Variants in NDUFA2 observed in about 807,000 individuals in gnomAD.
The protein encoded by NDUFA2 is NADH:ubiquinone oxidoreductase subunit A2.
NDUFA2 carries 9 observed loss-of-function variants against 11.4 expected under a neutral mutation model. The observed-to-expected ratio is 0.79, with a 90% CI of 0.48 to 1.38. NDUFA2 has a LOEUF of 1.38. NDUFA2 is among the 40% of genes most tolerant of loss of function. The pLI is 0.00. For synonymous variants in NDUFA2, 49 were observed against 54.0 expected (o/e 0.91, Z 0.41); for missense variants, 150 against 131.2 (o/e 1.14, Z -0.70).
At position 140,645,560 on chromosome 5, in the gene NDUFA2, T is replaced by G. The variant is rs370747642; in HGVS notation, c.*27A>C. 3.1e-6 allele frequency: 5 copies of G among 1,613,728 alleles called. No individual in the cohort carries two copies. The African/African-American group carries it at 5.3e-5, about 17-fold the overall frequency. Reference sequence around the variant, plus strand: ...TCCAGCAGAGCCCAGGCTCTGGGGCTGTTGCTCTTAATCCTCAGTGGAGGC... The same window carrying G: ...TCCAGCAGAGCCCAGGCTCTGGGGCGGTTGCTCTTAATCCTCAGTGGAGGC... On this transcript the variant is annotated 3_prime_UTR_variant, in exon 3 of 3. Transcript: ENST00000252102.
chr5:140,646,976 C>G, intron 2 of NDUFA2: 1 of 363,334 alleles, frequency 2.8e-6, no homozygotes, highest in Non-Finnish European at 5.0e-6. Flanking sequence ...ACTATATTGA[C>G]TAACTTCTCT....
At position 140,647,309 on chromosome 5, in the gene NDUFA2, G is replaced by C; in HGVS notation, c.155C>G (p.Pro52Arg). The C allele has an allele frequency of 6.3e-7, 1 of 1,591,312 alleles. No homozygotes were observed. The highest frequency in any genetic ancestry group is 8.6e-7 in the Non-Finnish European group (1 of 1,166,410). Reference sequence around the variant, plus strand: ...ATCGGAGCATTCGCGGATTAGGATGGGTAGGTCGGGATTCGCCTTCTTCAG... The same window carrying C: ...ATCGGAGCATTCGCGGATTAGGATGCGTAGGTCGGGATTCGCCTTCTTCAG... ...VELKKANPDL[P>R]ILIRECSDVQ... The change falls in exon 2 of 3, where the codon CCC becomes CGC. Residue 52 changes from proline (P) to arginine (R), a missense_variant. Transcript: ENST00000252102.
In NDUFA2 at chr5:140,645,480, A is replaced by T; in HGVS notation, c.*107T>A. 7.0e-7 allele frequency: 1 copy of T among 1,435,450 alleles called. No individual in the cohort carries two copies. The allele number at this position is 1,435,450 out of a possible 1,614,324, so 88.9% of individuals were successfully genotyped here. Reference sequence around the variant, plus strand: ...CAAGAACACCCTGAGAAAGTATTTTACAGCACAAGCTTTATGAGGAATAGG... The same window carrying T: ...CAAGAACACCCTGAGAAAGTATTTTTCAGCACAAGCTTTATGAGGAATAGG... On this transcript the variant is annotated 3_prime_UTR_variant, in exon 3 of 3. Transcript: ENST00000252102.
intron 1 of NDUFA2, 49 bp downstream of exon 1, chr5:140,647,434 G>C (rs994836172): frequency 3.7e-6 from 6 of 1,608,468 alleles, no homozygotes; most frequent in Non-Finnish European, 5.1e-6. Flanking sequence ...GGTCGAGGTC[G>C]TGACCCTGGC....
Position 140,645,529 on chromosome 5 carries a change from A to G in NDUFA2, c.*58T>C, listed in dbSNP as rs1216332622. On this transcript the variant is annotated 3_prime_UTR_variant, in exon 3 of 3. Transcript: ENST00000252102. ...GGAGAACACATTTTTTTCACATTAT[A>G]CTAAGTCCAGCAGAGCCCAGGCTCT... 7 of 1,603,640 alleles carry G rather than the reference A, an allele frequency of 4.4e-6. No homozygotes were observed. The highest frequency in any genetic ancestry group is 6.0e-6 in the Non-Finnish European group (7 of 1,171,566).
chr5:140,645,631 G>C lies in NDUFA2; in HGVS notation c.256C>G (p.Gln86Glu). Residue 86 changes from glutamine (Q) to glutamate (E), a missense_variant, in exon 3 of 3, where the codon CAG (glutamine) becomes GAG (glutamate). Transcript: ENST00000252102. ...NVPLNNFSADQVTRALENVLS... is the reference protein window; with the variant it reads ...NVPLNNFSADEVTRALENVLS... The stretch of plus-strand genomic sequence containing the variant: ...ACGTTCTCCAGGGCTCTGGTTACCT[G>C]ATCAGCACTGAAGTTGTTCAAAGGG... 2 of 1,614,174 alleles carry C rather than the reference G, an allele frequency of 1.2e-6. No homozygotes were observed. The highest frequency in any genetic ancestry group is 1.3e-5 in the African/African-American group (1 of 75,046).
Position 140,647,563 on chromosome 5 carries a change from A to T in NDUFA2, c.21T>A (p.Ser7Arg), listed in dbSNP as rs1219287028. Residue 7 changes from serine (S) to arginine (R), a missense_variant, in exon 1 of 3, where the codon AGT (serine) becomes AGA (arginine). Transcript: ENST00000252102. MAAAAA[S>R]RGVGAKLGLR... Reference sequence around the variant, plus strand: ...GGCCCAGCTTTGCCCCGACTCCTCGACTTGCTGCGGCCGCCGCCATCCTTG... The same window carrying T: ...GGCCCAGCTTTGCCCCGACTCCTCGTCTTGCTGCGGCCGCCGCCATCCTTG... 3 of 1,611,274 alleles carry T rather than the reference A, an allele frequency of 1.9e-6. No individual in the cohort carries two copies. The highest frequency in any genetic ancestry group is 1.7e-6 in the Non-Finnish European group (2 of 1,179,996).
In NDUFA2 at chr5:140,647,238, C is replaced by T. The variant is rs188802167; in HGVS notation, c.208+18G>A. 1,035 of 1,530,984 alleles carry T rather than the reference C, an allele frequency of 6.8e-4. 2 individuals carry two copies. The African/African-American group carries it at 0.012, about 18-fold the overall frequency. The allele number at this position is 1,530,984 out of a possible 1,614,324, so 94.8% of individuals were successfully genotyped here. On this transcript the variant is annotated intron_variant, in intron 2 of 2. Coordinates refer to ENST00000252102, the MANE Select transcript of NDUFA2 (RefSeq NM_002488.5). Reference sequence around the variant, plus strand: ...GTTCCCCTACCGGAGCCCCAGACCCCTGGCGTCCCGCACTCACCGTAGCGG... The same window carrying T: ...GTTCCCCTACCGGAGCCCCAGACCCTTGGCGTCCCGCACTCACCGTAGCGG...
At position 140,647,604 on chromosome 5, in the gene NDUFA2, C is replaced by G; in HGVS notation, c.-21G>C. On this transcript the variant is annotated 5_prime_UTR_variant, in exon 1 of 3. Coordinates refer to ENST00000252102, the MANE Select transcript of NDUFA2 (RefSeq NM_002488.5). ...GCCATCCTTGTTAATATCGAAGTCGCCAATTCCAGGTCTTCAGGCCAAGTG... is the reference window on the plus strand; with the variant it reads ...GCCATCCTTGTTAATATCGAAGTCGGCAATTCCAGGTCTTCAGGCCAAGTG... 1 of 1,606,408 alleles carries G rather than the reference C, an allele frequency of 6.2e-7. No individual in the cohort carries two copies. The highest frequency in any genetic ancestry group is 1.3e-5 in the African/African-American group (1 of 75,010).
chr5:140,645,996 G>A (rs1397917763), intron 2 of NDUFA2, among the ~76,000 whole-genome samples: 1 of 149,482 alleles, frequency 6.7e-6, no homozygotes, highest in Admixed American at 6.8e-5. Context: ...TCAGCTGGGA[G>A]CCCATTCTCT....
intron 2 of NDUFA2, 160 bp from the exon 3 acceptor site, chr5:140,645,838 G>A: frequency 7.8e-7 from 1 of 1,275,788 alleles, no homozygotes; most frequent in South Asian, 1.3e-5. Context: ...TAATACAATA[G>A]GTCTCAAACA....
intron 2 of NDUFA2, 153 bp from the exon 3 acceptor site, chr5:140,645,831 T>C (rs1757363034): frequency 7.5e-7 from 1 of 1,337,272 alleles, no homozygotes; most frequent in Non-Finnish European, 1.0e-6. Context: ...CTAGAATTAA[T>C]ACAATAGGTC....
chr5:140,646,009 CTTTTTT>C (rs5871744), intron 2 of NDUFA2, among the ~76,000 whole-genome samples: 6 of 124,114 alleles, frequency 4.8e-5, no homozygotes, highest in African/African-American at 1.8e-4. Context: ...CATTCTCTCT[CTTTTTT>C]TTTTTTTTTT....
chr5:140,645,635 A>G lies in NDUFA2; in HGVS notation c.252T>C (p.Ala84=). The G allele has an allele frequency of 6.2e-7, 1 of 1,614,224 alleles. No individual in the cohort carries two copies. The highest frequency in any genetic ancestry group is 8.5e-7 in the Non-Finnish European group (1 of 1,180,042). ...ETNVPLNNFS[A]DQVTRALENV... Reference sequence around the variant, plus strand: ...TCTCCAGGGCTCTGGTTACCTGATCAGCACTGAAGTTGTTCAAAGGGACAT... The same window carrying G: ...TCTCCAGGGCTCTGGTTACCTGATCGGCACTGAAGTTGTTCAAAGGGACAT... The change falls in exon 3 of 3, where the codon GCT becomes GCC. Residue 84 remains alanine (A), a synonymous_variant. Transcript: ENST00000252102.
In NDUFA2 at chr5:140,645,677, T is replaced by TG. The variant is rs779325708; in HGVS notation, c.209dup (p.Phe71IlefsTer15). 1 of 1,614,178 alleles carries TG rather than the reference T, an allele frequency of 6.2e-7. No homozygotes were observed. The stretch of plus-strand genomic sequence containing the variant: ...AAGGGACATTCGTCTCTTGGCCAAA[T>TG]GCTGAAGAGAGAGAGGGAGGTGTCT... On this transcript the variant is annotated frameshift_variant and splice_region_variant, in exon 3 of 3. Transcript: ENST00000252102. LOFTEE classifies it high-confidence loss of function.
chr5:140,647,585 C>T lies in NDUFA2; in HGVS notation c.-2G>A. On this transcript the variant is annotated 5_prime_UTR_variant, in exon 1 of 3. Transcript: ENST00000252102. ...TCGACTTGCTGCGGCCGCCGCCATC[C>T]TTGTTAATATCGAAGTCGCCAATTC... 1 of 1,609,670 alleles carries T rather than the reference C, an allele frequency of 6.2e-7. No homozygotes were observed.
In NDUFA2 at chr5:140,645,346, T is replaced by A. The variant is rs1232362607; in HGVS notation, c.*241A>T. 1.3e-6 allele frequency: 1 copy of A among 744,388 alleles called. No homozygotes were observed. The highest frequency in any genetic ancestry group is 2.0e-5 in the Admixed American group (1 of 49,254). The allele number at this position is 744,388 out of a possible 1,614,324, so 46.1% of individuals were successfully genotyped here. A position where few individuals can be genotyped will look rare whatever the true frequency, so the allele number is the denominator to read the frequency against. On this transcript the variant is annotated 3_prime_UTR_variant, in exon 3 of 3. Coordinates refer to ENST00000252102, the MANE Select transcript of NDUFA2 (RefSeq NM_002488.5). ...CCCTGCCCCCCCGCCACCCTTCATG[T>A]TTGCTTCAGCAGCTGGTAGCTTTTG...
chr5:140,646,895 C>G (rs1241206342), intron 2 of NDUFA2, among the ~76,000 whole-genome samples: 1 of 152,170 alleles, frequency 6.6e-6, no homozygotes, highest in Non-Finnish European at 1.5e-5. Flanking sequence ...CAGGGCCCAG[C>G]TCTATGTGCA....
intron 2 of NDUFA2, 64 bp from the exon 3 acceptor site, chr5:140,645,742 A>G (rs1457339105): frequency 2.5e-6 from 4 of 1,611,388 alleles, no homozygotes; most frequent in Non-Finnish European, 3.4e-6. Context: ...AAGTAAAATA[A>G]AAGATCTTTG....
Sources: allele counts gnomAD v4.1 joint callset (sites outside exome capture counted in the v4.1 genomes callset), GRCh38; gene constraint gnomAD v4.1.1; transcripts MANE v1.5; gene names NCBI Gene and HGNC (gene_info 2026-07-23, HGNC 2026-07-21).